The following PLEKHG4 variants were observed in gnomAD, a reference collection of about 807,000 sequenced individuals.
PLEKHG4 encodes the protein puratrophin-1.
Under a neutral mutation model 136.9 loss-of-function variants are expected in PLEKHG4, and 85 were observed. The observed-to-expected ratio is 0.62, with a 90% CI of 0.52 to 0.74. The LOEUF (loss-of-function observed/expected upper bound fraction) is 0.74, where lower values mean the gene tolerates loss of function less well. Among genes scored for constraint, PLEKHG4 ranks in the 30% least tolerant of loss-of-function variants. The pLI is 0.00. For missense variants in PLEKHG4, 1,317 were observed against 1,527.8 expected (o/e 0.86, Z 2.30); for synonymous variants, 577 against 646.9 (o/e 0.89, Z 1.64).
At position 67,284,409 on chromosome 16, in the gene PLEKHG4, G is replaced by A. The variant is rs1359795145; in HGVS notation, c.1644G>A (p.Arg548=). The change falls in exon 12 of 22, where the codon CGG becomes CGA. Residue 548 remains arginine, a synonymous_variant. Transcript: ENST00000379344. This position sits in a 1 kb window ranked among gnomAD's most constrained non-coding sequence, Gnocchi z 4.4. ...LTEFSRALAQ[R]CQRLADAERL... is the part of the protein sequence containing the mutation. ...AATTCTCTAGGGCTTTGGCCCAGCG[G>A]TGCCAGCGGCTGGCGGATGCTGAGA... is the stretch of plus-strand genomic sequence containing the variant. 1.7e-5 allele frequency: 28 copies of A among 1,613,998 alleles called. No individual in the cohort carries two copies. The highest frequency in any genetic ancestry group is 2.1e-5 in the Non-Finnish European group (25 of 1,180,004).
chr16:67,282,143 CCT>C (rs770819141), intron 8 of PLEKHG4, 36 bp downstream of exon 8: 2 of 1,613,214 alleles, frequency 1.2e-6, no homozygotes, highest in Non-Finnish European at 1.7e-6. Context: ...ATGAATGCTC[CCT>C]GTCTCCCTCC....
rs1407728408 is a variant in PLEKHG4 at position 67,284,591 on chromosome 16, C to T, written c.1693-122C>T. On this transcript the variant is annotated intron_variant, in intron 12 of 21. Coordinates refer to ENST00000379344, the MANE Select transcript of PLEKHG4 (RefSeq NM_001129729.3). The surrounding 1 kb of genome is among the most constrained non-coding windows in gnomAD (Gnocchi z 4.4). ...CTGGTCTTCAGTTTGACCCTAAAAC[C>T]CAGTCACTGGGGCTGTGTCCTGGAC... The T allele has an allele frequency of 1.4e-6, 2 of 1,478,534 alleles. No homozygotes were observed. Among genetic ancestry groups the T allele is most frequent in the Non-Finnish European group, 1.9e-6 (2 of 1,075,736 alleles). 91.6% of individuals were successfully genotyped at this position (1,478,534 alleles called of 1,614,324 possible). A position where few individuals can be genotyped will look rare whatever the true frequency, so the allele number is the denominator to read the frequency against.
upstream of PLEKHG4, chr16:67,279,308 G>A (rs1319305594): frequency 6.6e-6 from 1 of 152,166 alleles, no homozygotes; most frequent in Non-Finnish European, 1.5e-5. Flanking sequence ...GCCCGGGGGT[G>A]CGGCGGGGCG....
Position 67,287,162 on chromosome 16 carries a change from G to A in PLEKHG4, c.3088G>A (p.Ala1030Thr). ...CATCTCCCACCTGCTTTGGAGGCAG[G>A]CCGTCCACAACAAGGGTGGGTCCAT... ...ADISHLLWRQAVHNKEVRMAE... is the reference protein window; with the variant it reads ...ADISHLLWRQTVHNKEVRMAE... The change falls in exon 18 of 22, where the codon GCC (alanine) becomes ACC (threonine). Residue 1030 changes from alanine (A) to threonine (T), a missense_variant. Transcript: ENST00000379344. 1 of 1,608,362 alleles carries A rather than the reference G, an allele frequency of 6.2e-7. No homozygotes were observed. Among genetic ancestry groups the A allele is most frequent in the East Asian group, 2.2e-5 (1 of 44,882 alleles).
Position 67,289,279 on chromosome 16 carries a change from T to C in PLEKHG4, c.*471T>C. Reference sequence around the variant, plus strand: ...CCTCTACTGGGCCCTCATGCTTGCCTTTCCTGGCCCCCAGGCCCAGCCCCT... The same window carrying C: ...CCTCTACTGGGCCCTCATGCTTGCCCTTCCTGGCCCCCAGGCCCAGCCCCT... On this transcript the variant is annotated 3_prime_UTR_variant, in exon 22 of 22. Coordinates refer to ENST00000379344, the MANE Select transcript of PLEKHG4 (RefSeq NM_001129729.3). 2.4e-6 allele frequency: 1 copy of C among 416,706 alleles called. No homozygotes were observed. The highest frequency in any genetic ancestry group is 4.1e-5 in the Admixed American group (1 of 24,546). The allele number at this position is 416,706 out of a possible 1,614,324, so 25.8% of individuals were successfully genotyped here. A position where few individuals can be genotyped will look rare whatever the true frequency, so the allele number is the denominator to read the frequency against.
intron 5 of PLEKHG4, 134 bp downstream of exon 5, chr16:67,281,318 G>C: frequency 1.3e-6 from 1 of 755,260 alleles, no homozygotes. Flanking sequence ...CTATCTCCCC[G>C]ATTCAAGTGA....
intron 11 of PLEKHG4, 116 bp downstream of exon 11, chr16:67,282,974 T>C (rs2036302479): frequency 3.8e-6 from 3 of 782,084 alleles, no homozygotes; most frequent in East Asian, 2.6e-5. Flanking sequence ...TATAGTCCCA[T>C]AGAAGATATC....
chr16:67,284,801 A>C lies in PLEKHG4; in HGVS notation c.1781A>C (p.His594Pro). The part of the protein sequence containing the change: ...PGVVLQQLQL[H>P]WTRHPDLPPA... Reference sequence around the variant, plus strand: ...GTTGTGTTGCAGCAGCTGCAGCTGCACTGGACCAGGCACCCTGACTTGCCT... The same window carrying C: ...GTTGTGTTGCAGCAGCTGCAGCTGCCCTGGACCAGGCACCCTGACTTGCCT... The change falls in exon 13 of 22, where the codon CAC becomes CCC. Residue 594 changes from histidine to proline, a missense_variant. Coordinates refer to ENST00000379344, the MANE Select transcript of PLEKHG4 (RefSeq NM_001129729.3). The surrounding 1 kb of genome is among the most constrained non-coding windows in gnomAD (Gnocchi z 4.4). 1 of 1,613,722 alleles carries C rather than the reference A, an allele frequency of 6.2e-7. No homozygotes were observed. The highest frequency in any genetic ancestry group is 8.5e-7 in the Non-Finnish European group (1 of 1,179,896).
rs1268528485 is a variant in PLEKHG4, at chr16:67,285,112, A to G, written c.2092A>G (p.Thr698Ala). 2 of 1,613,380 alleles carry G rather than the reference A, an allele frequency of 1.2e-6. No individual in the cohort carries two copies. Among genetic ancestry groups the G allele is most frequent in the Non-Finnish European group, 8.5e-7 (1 of 1,179,994 alleles). ...EPACHCHHAA[T>A]IAACRRPEAG... ...TGCCTGCCACTGCCACCATGCGGCC[A>G]CTATTGCTGCCTGCCGCAGACCAGA... The change falls in exon 13 of 22, where the codon ACT becomes GCT. Residue 698 changes from threonine to alanine, a missense_variant. Transcript: ENST00000379344.
chr16:67,281,859 TG>T lies in PLEKHG4; in HGVS notation c.1005+27del. On this transcript the variant is annotated intron_variant, in intron 7 of 21. Transcript: ENST00000379344. The stretch of plus-strand genomic sequence containing the variant: ...AAGGGTCAGTACACTGGGTGGGGCA[TG>T]GGGGCAGTCATATAGGCAACTTGGG... The T allele has an allele frequency of 3.8e-6, 6 of 1,597,434 alleles. No individual in the cohort carries two copies. In the Middle Eastern group the frequency reaches 1.0e-3, roughly 265 times the overall value.
chr16:67,281,771 G>A lies in PLEKHG4; in HGVS notation c.939G>A (p.Ala313=), dbSNP rs1433993311. The change falls in exon 7 of 22, where the codon GCG becomes GCA. Residue 313 remains alanine, a synonymous_variant. Coordinates refer to ENST00000379344, the MANE Select transcript of PLEKHG4 (RefSeq NM_001129729.3). ...SQSLLTHIPT[A]GLPTSLGGGL... The stretch of plus-strand genomic sequence containing the variant: ...GCCTGCTGACCCACATCCCAACGGC[G>A]GGGCTGCCCACTTCGCTAGGAGGAG... The A allele has an allele frequency of 8.1e-6, 13 of 1,613,984 alleles. No individual in the cohort carries two copies. In the East Asian group the frequency reaches 1.6e-4, roughly 19 times the overall value.
chr16:67,289,368 C>A lies in PLEKHG4; in HGVS notation c.*560C>A. 1 of 506,366 alleles carries A rather than the reference C, an allele frequency of 2.0e-6. No homozygotes were observed. The allele number at this position is 506,366 out of a possible 1,614,324, so 31.4% of individuals were successfully genotyped here. ...TTTGAATAACTTTCAATAGAATTGTCTAAAATTATCTTACTGGTTGTTAGG... is the reference window on the plus strand; with the variant it reads ...TTTGAATAACTTTCAATAGAATTGTATAAAATTATCTTACTGGTTGTTAGG... On this transcript the variant is annotated 3_prime_UTR_variant, in exon 22 of 22. Coordinates refer to ENST00000379344, the MANE Select transcript of PLEKHG4 (RefSeq NM_001129729.3).
chr16:67,286,620 G>C lies in PLEKHG4; in HGVS notation c.2708G>C (p.Arg903Pro), dbSNP rs745978157. The change falls in exon 16 of 22, where the codon CGG becomes CCG. Residue 903 changes from arginine to proline, a missense_variant. Coordinates refer to ENST00000379344, the MANE Select transcript of PLEKHG4 (RefSeq NM_001129729.3). The part of the protein sequence containing the change: ...EAQSLVHFQL[R>P]HGNDLLAMDA... Reference sequence around the variant, plus strand: ...CAGAGCCTTGTGCACTTCCAGCTGCGGCACGGAAACGACCTGCTGGCCATG... The same window carrying C: ...CAGAGCCTTGTGCACTTCCAGCTGCCGCACGGAAACGACCTGCTGGCCATG... 5 of 1,563,494 alleles carry C rather than the reference G, an allele frequency of 3.2e-6. No individual in the cohort carries two copies.
chr16:67,287,265 C>G, intron 18 of PLEKHG4, 88 bp downstream of exon 18: 1 of 1,421,304 alleles, frequency 7.0e-7, no homozygotes, highest in Non-Finnish European at 9.8e-7. Context: ...GGGAAAAGCT[C>G]GGGAAGTGGG....
chr16:67,281,683 CT>C lies in PLEKHG4; in HGVS notation c.891+40del, dbSNP rs780561981. The C allele has an allele frequency of 3.1e-6, 5 of 1,610,188 alleles. No homozygotes were observed. In the Admixed American group the frequency reaches 8.3e-5, roughly 27 times the overall value. On this transcript the variant is annotated intron_variant, in intron 6 of 21. Transcript: ENST00000379344. ...TTGGCTAGGGGTAGAGGTGGGGTGCCTCCCCCCAGGCCTGGGTCACAACACC... is the reference window on the plus strand; with the variant it reads ...TTGGCTAGGGGTAGAGGTGGGGTGCCCCCCCCAGGCCTGGGTCACAACACC...
chr16:67,279,790 G>C (rs978428959), intron 1 of PLEKHG4, 86 bp from the exon 2 acceptor site: 34 of 495,528 alleles, frequency 6.9e-5, no homozygotes, highest in African/African-American at 5.2e-4. Context: ...GACGCTGAGG[G>C]TGGGCGCGCA....
In PLEKHG4 at chr16:67,284,566, C is replaced by T; in HGVS notation, c.1692+109C>T. 5.4e-6 allele frequency: 8 copies of T among 1,470,384 alleles called. No individual in the cohort carries two copies. In the South Asian group the frequency reaches 9.4e-5, roughly 17 times the overall value. The allele number at this position is 1,470,384 out of a possible 1,614,324, so 91.1% of individuals were successfully genotyped here. A position where few individuals can be genotyped will look rare whatever the true frequency, so the allele number is the denominator to read the frequency against. ...TTGGTCATGCTGCCTGTTCTCTTCC[C>T]TGGTCTTCAGTTTGACCCTAAAACC... On this transcript the variant is annotated intron_variant, in intron 12 of 21. Transcript: ENST00000379344. This position sits in a 1 kb window ranked among gnomAD's most constrained non-coding sequence, Gnocchi z 4.4.
At chr16:67,286,700 A>G in intron 16 of PLEKHG4, 34 bp downstream of exon 16, 1 of 1,596,920 alleles carries the variant, frequency 6.3e-7, no homozygotes, top group South Asian at 1.1e-5. Context: ...AGTGGGTGTG[A>G]AGAAGAAGGC....
chr16:67,283,994 T>G (rs2142452687), intron 11 of PLEKHG4, among the ~76,000 whole-genome samples: 1 of 151,686 alleles, frequency 6.6e-6, no homozygotes, highest in African/African-American at 2.4e-5. Context: ...CGCTGAGAGT[T>G]GGAGTCAGTG....
Sources: gnomAD v4.1 joint callset for allele counts (sites outside exome capture counted in the v4.1 genomes callset) on GRCh38, gnomAD v4.1.1 for gene constraint, Gnocchi (gnomAD v3.1) non-coding constraint, MANE v1.5 for transcripts, NCBI Gene and HGNC (gene_info 2026-07-23, HGNC 2026-07-21) for gene names.